Variants in DPYSL2 observed in about 807,000 individuals in gnomAD.
DPYSL2 encodes the protein dihydropyrimidinase like 2, also known as dihydropyrimidinase-related protein 2.
A neutral mutation model predicts 69.9 loss-of-function variants in DPYSL2; 13 were observed. The ratio of observed to expected loss-of-function variants is 0.19; its 90% confidence interval spans 0.12 to 0.30. The LOEUF (loss-of-function observed/expected upper bound fraction) is 0.30, where lower values mean the gene tolerates loss of function less well. Ranked by LOEUF, DPYSL2 falls within the 10% of genes least tolerant of loss-of-function variation. The pLI is 1.00. For missense variants in DPYSL2, 587 were observed against 918.9 expected (o/e 0.64, Z 4.67); for synonymous variants, 326 against 359.1 (o/e 0.91, Z 1.04).
chr8:26,629,262 A>G (rs1215416839), intron 7 of DPYSL2, among the ~76,000 whole-genome samples: 1 of 152,154 alleles, frequency 6.6e-6, no homozygotes, highest in Non-Finnish European at 1.5e-5. Context: ...ATAGTAACAC[A>G]CACAGACACA....
At chr8:26,576,065 G>C (rs529076518) in intron 1 of DPYSL2, among the ~76,000 whole-genome samples, 74 of 152,288 alleles carry the variant, frequency 4.9e-4, no homozygotes, top group African/African-American at 1.5e-3. Context: ...TTGCTGGAGG[G>C]GGAAGTGCTT....
At chr8:26,550,639 A>G (rs1309043846) in intron 1 of DPYSL2, among the ~76,000 whole-genome samples, 1 of 152,214 alleles carries the variant, frequency 6.6e-6, no homozygotes, top group Non-Finnish European at 1.5e-5. Context: ...ATGCAGACTG[A>G]TGGGAGATAG....
At chr8:26,600,621 T>C (rs73678820) in intron 3 of DPYSL2, among the ~76,000 whole-genome samples, 3,997 of 152,258 alleles carry the variant, frequency 0.026, 168 homozygotes, top group African/African-American at 0.09. Flanking sequence ...GGGTGTGTTT[T>C]CCCTACTCTG....
chr8:26,627,173 T>C lies in DPYSL2; in HGVS notation c.856-42T>C. 6.4e-7 allele frequency: 1 copy of C among 1,574,326 alleles called. No homozygotes were observed. Among genetic ancestry groups the C allele is most frequent in the Non-Finnish European group, 8.7e-7 (1 of 1,143,952 alleles). On this transcript the variant is annotated intron_variant, in intron 5 of 13. Transcript: ENST00000521913. The surrounding 1 kb of genome is among the most constrained non-coding windows in gnomAD (Gnocchi z 6.9). Reference sequence around the variant, plus strand: ...ATGATTGTCTTTGTGAACAGGAAGATGGAAGTCCCTGTCTCTGATCCCACC... The same window carrying C: ...ATGATTGTCTTTGTGAACAGGAAGACGGAAGTCCCTGTCTCTGATCCCACC...
rs968415763 is a variant in DPYSL2, at chr8:26,593,181, C to T, written c.628+9198C>T. Among the ~76,000 whole-genome samples the T allele has an allele frequency of 4.6e-5, 7 of 152,012 alleles. No individual in the cohort carries two copies. The highest frequency in any genetic ancestry group is 7.3e-5 in the African/African-American group (3 of 41,376). ...GAGAGGATGTTGCTGGGGGTTGGGT[C>T]GCGGTGGCTGAGGCTGCTGTCCAGT... On this transcript the variant is annotated intron_variant, in intron 3 of 13. Transcript: ENST00000521913. The surrounding 1 kb of genome is among the most constrained non-coding windows in gnomAD (Gnocchi z 5.7).
intron 1 of DPYSL2, among the ~76,000 whole-genome samples, chr8:26,556,944 G>C (rs1412737480): frequency 1.3e-5 from 2 of 152,138 alleles, no homozygotes; most frequent in South Asian, 2.1e-4. Flanking sequence ...ACATATCCTT[G>C]ATAAAGGAAC....
chr8:26,516,860 G>T lies in DPYSL2; in HGVS notation c.354+2181G>T, dbSNP rs61071992. Reference sequence around the variant, plus strand: ...AGAGCATTTACCTGGATCAGTACTTGCAATGTTTCAATATTTCATGTCTTT... The same window carrying T: ...AGAGCATTTACCTGGATCAGTACTTTCAATGTTTCAATATTTCATGTCTTT... On this transcript the variant is annotated intron_variant, in intron 1 of 13. Transcript: ENST00000521913. The surrounding 1 kb of genome is among the most constrained non-coding windows in gnomAD (Gnocchi z 4.8). Among the ~76,000 whole-genome samples the T allele has an allele frequency of 0.027, 4,119 of 152,240 alleles. 199 individuals carry two copies. The highest frequency in any genetic ancestry group is 0.092 in the African/African-American group (3,838 of 41,522).
At chr8:26,568,219 G>A (rs1305524964) in intron 1 of DPYSL2, among the ~76,000 whole-genome samples, 2 of 152,162 alleles carry the variant, frequency 1.3e-5, no homozygotes, top group Non-Finnish European at 1.5e-5. Context: ...CAGTCGTTGG[G>A]TTGATGACAC....
At chr8:26,542,909 T>A (rs574981387) in intron 1 of DPYSL2, among the ~76,000 whole-genome samples, 1 of 152,208 alleles carries the variant, frequency 6.6e-6, no homozygotes, top group Non-Finnish European at 1.5e-5. Flanking sequence ...GTATGTATCA[T>A]GCTTTTTCAC....
intron 8 of DPYSL2, among the ~76,000 whole-genome samples, chr8:26,635,719 C>A (rs1481071180): frequency 2.6e-5 from 4 of 152,136 alleles, no homozygotes; most frequent in African/African-American, 9.7e-5. Context: ...ATGTTCCCTC[C>A]TCCCCTTTGC....
At chr8:26,549,905 T>G (rs1800845100) in intron 1 of DPYSL2, among the ~76,000 whole-genome samples, 1 of 150,978 alleles carries the variant, frequency 6.6e-6, no homozygotes, top group East Asian at 1.9e-4. Flanking sequence ...TTGCAAGAAA[T>G]GTTAAAAAAA....
At chr8:26,603,469 C>A (rs1474802459) in intron 3 of DPYSL2, among the ~76,000 whole-genome samples, 3 of 152,224 alleles carry the variant, frequency 2.0e-5, no homozygotes, top group African/African-American at 7.2e-5. Flanking sequence ...CCGCGCCCGG[C>A]TCTTTCTTCT....
Position 26,650,939 on chromosome 8 carries a change from CACAA to C in DPYSL2, c.1597-1311_1597-1308del, listed in dbSNP as rs1294041117. ...GTGGGGTTGTCCCCCAACCCAGTGGCACAAACAAACCCATATCCCCCTAGAAGAA... is the reference window on the plus strand; with the variant it reads ...GTGGGGTTGTCCCCCAACCCAGTGGCACAAACCCATATCCCCCTAGAAGAA... On this transcript the variant is annotated intron_variant, in intron 11 of 13. Coordinates refer to ENST00000521913, the MANE Select transcript of DPYSL2 (RefSeq NM_001197293.3). This position sits in a 1 kb window ranked among gnomAD's most constrained non-coding sequence, Gnocchi z 5.3. Among the ~76,000 whole-genome samples the C allele has an allele frequency of 1.3e-5, 2 of 152,200 alleles. No homozygotes were observed. The highest frequency in any genetic ancestry group is 2.4e-5 in the African/African-American group (1 of 41,462).
rs545199277 is a variant in DPYSL2, at chr8:26,614,071, G to A, written c.629-10072G>A. Among the ~76,000 whole-genome samples, 237 of 152,192 alleles carry A rather than the reference G, an allele frequency of 1.6e-3. 2 individuals are homozygous for A. Among genetic ancestry groups the A allele is most frequent in the African/African-American group, 5.1e-3 (212 of 41,512 alleles). On this transcript the variant is annotated intron_variant, in intron 3 of 13. Coordinates refer to ENST00000521913, the MANE Select transcript of DPYSL2 (RefSeq NM_001197293.3). This position sits in a 1 kb window ranked among gnomAD's most constrained non-coding sequence, Gnocchi z 4.9. The stretch of plus-strand genomic sequence containing the variant: ...CTTGAGTCCTGGAAATCAAGGCTGC[G>A]GTCAGCCAGATTGCACCACAGCATT...
At chr8:26,625,983 C>CT in intron 4 of DPYSL2, among the ~76,000 whole-genome samples, 1 of 152,204 alleles carries the variant, frequency 6.6e-6, no homozygotes, top group Non-Finnish European at 1.5e-5. Context: ...TCATTAAACA[C>CT]TAACTCTCCA....
chr8:26,522,671 C>G (rs1221595143), intron 1 of DPYSL2, among the ~76,000 whole-genome samples: 1 of 152,044 alleles, frequency 6.6e-6, no homozygotes, highest in Non-Finnish European at 1.5e-5. Flanking sequence ...CTGTTCAAAA[C>G]TTTGTACATT....
rs79158958 is a variant in DPYSL2 at position 26,532,520 on chromosome 8, G to T, written c.354+17841G>T. ...CCCAAAAGAAACCCAGTAAACAGTC[G>T]CTATCCATTTCTTCCACCCCTAGCC... On this transcript the variant is annotated intron_variant, in intron 1 of 13. Coordinates refer to ENST00000521913, the MANE Select transcript of DPYSL2 (RefSeq NM_001197293.3). 3.4e-3 allele frequency among the ~76,000 whole-genome samples: 515 copies of T among 152,188 alleles called. 3 individuals carry two copies. The highest frequency in any genetic ancestry group is 0.012 in the African/African-American group (495 of 41,506).
chr8:26,623,681 A>T (rs556048796), intron 3 of DPYSL2, among the ~76,000 whole-genome samples: 1 of 152,128 alleles, frequency 6.6e-6, no homozygotes, highest in African/African-American at 2.4e-5. Flanking sequence ...GTAATGAGAG[A>T]GCAGGTAATG....
rs190778109 is a variant in DPYSL2, at chr8:26,654,444, G to T, written c.1942+1047G>T. Among the ~76,000 whole-genome samples, 4 of 152,048 alleles carry T rather than the reference G, an allele frequency of 2.6e-5. No homozygotes were observed. Among genetic ancestry groups the T allele is most frequent in the African/African-American group, 9.7e-5 (4 of 41,390 alleles). ...GAGAGAATTTTTTTTCTTGGTGGTT[G>T]TATGGGTTTTTAGAAAGTAACCTAT... On this transcript the variant is annotated intron_variant, in intron 13 of 13. Transcript: ENST00000521913. This position sits in a 1 kb window ranked among gnomAD's most constrained non-coding sequence, Gnocchi z 5.0.
Sources: gnomAD v4.1 joint callset for allele counts (sites outside exome capture counted in the v4.1 genomes callset) on GRCh38, gnomAD v4.1.1 for gene constraint, Gnocchi (gnomAD v3.1) non-coding constraint, MANE v1.5 for transcripts, NCBI Gene and HGNC (gene_info 2026-07-23, HGNC 2026-07-21) for gene names.